The following RPS6KA2 variants were observed in gnomAD, a reference collection of about 807,000 sequenced individuals.
RPS6KA2 encodes the protein ribosomal protein S6 kinase A2, also known as ribosomal protein S6 kinase alpha-2.
Under a neutral mutation model 91.8 loss-of-function variants are expected in RPS6KA2, and 42 were observed. The ratio of observed to expected loss-of-function variants is 0.46; its 90% CI spans 0.36 to 0.59. RPS6KA2 has a LOEUF of 0.59. Among genes scored for constraint, RPS6KA2 ranks in the 20% least tolerant of loss-of-function variants. The pLI, the probability that RPS6KA2 is intolerant of heterozygous loss-of-function variation, is 0.00. For synonymous variants in RPS6KA2, 414 were observed against 393.6 expected, an observed-to-expected ratio of 1.05 and a Z score of -0.61; for missense variants, 798 against 978.5, an observed-to-expected ratio of 0.82 and a Z score of 2.46.
intron 2 of RPS6KA2, among the ~76,000 whole-genome samples, chr6:166,775,401 A>C (rs1583104211): frequency 6.6e-6 from 1 of 151,948 alleles, no homozygotes; most frequent in Non-Finnish European, 1.5e-5. Flanking sequence ...AAGTGAGAAC[A>C]CTCCGAGGCG....
At chr6:166,795,959 C>T (rs1470430294) in intron 2 of RPS6KA2, among the ~76,000 whole-genome samples, 2 of 152,208 alleles carry the variant, frequency 1.3e-5, no homozygotes, top group African/African-American at 4.8e-5. Flanking sequence ...TGGGGACCCA[C>T]TTGGAACCCC....
rs187094038 is a variant in RPS6KA2, at chr6:166,493,248, G to A, written c.748-2507C>T. ...CTGACGGTGGGGATGATGCTGGGGC[G>A]GAGGTGTGGACTTTGCAGCCTCCAC... On this transcript the variant is annotated intron_variant, in intron 8 of 20. Transcript: ENST00000265678. This position sits in a 1 kb window ranked among gnomAD's most constrained non-coding sequence, Gnocchi z 4.7. 7.3e-4 allele frequency among the ~76,000 whole-genome samples: 111 copies of A among 152,220 alleles called. 1 individual carries two copies. The highest frequency in any genetic ancestry group is 2.3e-3 in the African/African-American group (96 of 41,532).
At chr6:166,477,056 C>T (rs1781004446) in intron 10 of RPS6KA2, among the ~76,000 whole-genome samples, 1 of 152,222 alleles carries the variant, frequency 6.6e-6, no homozygotes. Flanking sequence ...AACCGGCCGC[C>T]TGTGCAGGTG....
At chr6:166,777,505 T>C (rs13208329) in intron 2 of RPS6KA2, among the ~76,000 whole-genome samples, 20,361 of 152,116 alleles carry the variant, frequency 0.13, 1,475 homozygotes, top group Middle Eastern at 0.18. Flanking sequence ...CTCTGCACGA[T>C]GGGCAGAGGA....
Position 166,430,641 on chromosome 6 carries a change from A to G in RPS6KA2, c.1423-30T>C, listed in dbSNP as rs749555364. ...GGAGTGGAGAAGGGGCGCACACGTC[A>G]CCACGGCTGGTTGCTGTGAAAGAGC... On this transcript the variant is annotated intron_variant, in intron 15 of 20. Transcript: ENST00000265678. The G allele has an allele frequency of 1.0e-5, 16 of 1,590,328 alleles. No homozygotes were observed. The South Asian group carries it at 1.8e-4, about 18-fold the overall frequency.
chr6:166,490,844 A>C lies in RPS6KA2; in HGVS notation c.748-103T>G. 1.2e-6 allele frequency: 1 copy of C among 803,426 alleles called. No homozygotes were observed. Among genetic ancestry groups the C allele is most frequent in the South Asian group, 1.6e-5 (1 of 63,570 alleles). The allele number at this position is 803,426 out of a possible 1,614,324, so 49.8% of individuals were successfully genotyped here. Reference sequence around the variant, plus strand: ...AGCCTGCTACCGTGTCCATTTCCTCATGCAAAATCTCCATCAGTCAATTGT... The same window carrying C: ...AGCCTGCTACCGTGTCCATTTCCTCCTGCAAAATCTCCATCAGTCAATTGT... On this transcript the variant is annotated intron_variant, in intron 8 of 20. Coordinates refer to ENST00000265678, the MANE Select transcript of RPS6KA2 (RefSeq NM_021135.6). The surrounding 1 kb of genome is among the most constrained non-coding windows in gnomAD (Gnocchi z 4.2).
rs530899327 is a variant in RPS6KA2, at chr6:166,792,591, T to A, written c.123+65609A>T. ...GACCAATATCCCTGATGAACATCGA[T>A]GCAAAAATCCTCAATAAAATACTGG... On this transcript the variant is annotated intron_variant, in intron 2 of 21. Coordinates refer to the RPS6KA2 transcript ENST00000503859. 4.6e-5 allele frequency among the ~76,000 whole-genome samples: 7 copies of A among 152,150 alleles called. No homozygotes were observed. In the East Asian group the frequency reaches 1.2e-3, roughly 25 times the overall value.
chr6:166,460,438 T>C (rs1419717979), intron 11 of RPS6KA2, among the ~76,000 whole-genome samples: 1 of 151,966 alleles, frequency 6.6e-6, no homozygotes, highest in Non-Finnish European at 1.5e-5. Context: ...CTGCAGGTGG[T>C]GCTTAGATGG....
intron 2 of RPS6KA2, among the ~76,000 whole-genome samples, chr6:166,692,613 T>G (rs1789243013): frequency 6.6e-6 from 1 of 152,176 alleles, no homozygotes; most frequent in Admixed American, 6.5e-5. Flanking sequence ...AAGCTGCATA[T>G]TAAGTAAAAT....
chr6:166,723,699 C>CTTTTTTTTTTTTTTTT (rs10637819), intron 2 of RPS6KA2, among the ~76,000 whole-genome samples: 5 of 146,222 alleles, frequency 3.4e-5, no homozygotes, highest in African/African-American at 1.3e-4. Flanking sequence ...TTTTTCTTTT[C>CTTTTTTTTTTTTTTTT]TTTTCTTTTT....
At chr6:166,747,635 G>A (rs1398637187) in intron 2 of RPS6KA2, among the ~76,000 whole-genome samples, 1 of 152,154 alleles carries the variant, frequency 6.6e-6, no homozygotes, top group Non-Finnish European at 1.5e-5. Flanking sequence ...CAGGGGGAAG[G>A]GGGATACTGA....
In RPS6KA2 at chr6:166,732,070, A is replaced by G. The variant is rs1790542699; in HGVS notation, c.123+126130T>C. On this transcript the variant is annotated intron_variant, in intron 2 of 21. Transcript: ENST00000503859. The surrounding 1 kb of genome is among the most constrained non-coding windows in gnomAD (Gnocchi z 4.0). ...GGAAGGGATGGGATTGGGGAGAAAT[A>G]ACAAAACTGGAATACCTTTTCCAGA... Among the ~76,000 whole-genome samples, 1 of 152,174 alleles carries G rather than the reference A, an allele frequency of 6.6e-6. No individual in the cohort carries two copies. The highest frequency in any genetic ancestry group is 1.5e-5 in the Non-Finnish European group (1 of 68,032).
chr6:166,489,047 G>T, intron 9 of RPS6KA2, 126 bp from the exon 10 acceptor site: 1 of 727,008 alleles, frequency 1.4e-6, no homozygotes, highest in Non-Finnish European at 2.3e-6. Context: ...TCTACCACGT[G>T]GGTCTTAGGA....
chr6:166,828,244 G>C (rs1780095452), intron 2 of RPS6KA2, among the ~76,000 whole-genome samples: 1 of 152,220 alleles, frequency 6.6e-6, no homozygotes, highest in South Asian at 2.1e-4. Context: ...TCAGAGCCCA[G>C]TGGTCAGAAT....
intron 2 of RPS6KA2, among the ~76,000 whole-genome samples, chr6:166,695,196 T>A (rs912795992): frequency 2.0e-5 from 3 of 152,118 alleles, no homozygotes; most frequent in Admixed American, 6.5e-5. Context: ...GACAGGAACA[T>A]CCTCTCTGAG....
rs9348158 is a variant in RPS6KA2 at position 166,639,354 on chromosome 6, T to C, written c.124-100570A>G. On this transcript the variant is annotated intron_variant, in intron 2 of 21. Transcript: ENST00000503859. The surrounding 1 kb of genome is among the most constrained non-coding windows in gnomAD (Gnocchi z 4.2). ...TGCCTTCTACATGTTTTCCCCGTCT[T>C]GCCTTCTTTCCAACCCTGCCCTCCA... 0.11 allele frequency among the ~76,000 whole-genome samples: 16,987 copies of C among 152,206 alleles called. 1,129 individuals are homozygous for C. The highest frequency in any genetic ancestry group is 0.16 in the Middle Eastern group (46 of 294).
At chr6:166,787,186 T>C (rs1778953996) in intron 2 of RPS6KA2, among the ~76,000 whole-genome samples, 1 of 152,210 alleles carries the variant, frequency 6.6e-6, no homozygotes, top group African/African-American at 2.4e-5. Flanking sequence ...TAAAGACTGA[T>C]GTATGTGGAT....
intron 15 of RPS6KA2, 37 bp downstream of exon 15, chr6:166,432,364 A>T (rs367768440): frequency 7.4e-7 from 1 of 1,343,704 alleles, no homozygotes; most frequent in Admixed American, 1.7e-5. Context: ...GAAGAAACAG[A>T]AGGAAGTGGA....
At chr6:166,702,562 T>C (rs1789557614) in intron 2 of RPS6KA2, 2 of 1,428,868 alleles carry the variant, frequency 1.4e-6, no homozygotes, top group East Asian at 2.3e-5. Context: ...CACCTCCCAC[T>C]GTAAGTGAGG....
Sources: gnomAD v4.1 joint callset for allele counts (sites outside exome capture counted in the v4.1 genomes callset) on GRCh38, gnomAD v4.1.1 for gene constraint, Gnocchi (gnomAD v3.1) non-coding constraint, MANE v1.5 for transcripts, NCBI Gene and HGNC (gene_info 2026-07-23, HGNC 2026-07-21) for gene names.